Variants in DAZL observed in about 807,000 individuals in gnomAD.
The protein encoded by DAZL is deleted in azoospermia like.
DAZL carries 4 observed loss-of-function variants against 45.0 expected under a neutral mutation model. The observed-to-expected ratio is 0.09, with a 90% CI of 0.04 to 0.20. The LOEUF is 0.20. Ranked by LOEUF, DAZL falls within the 10% of genes least tolerant of loss-of-function variation. The pLI is 1.00. For missense variants in DAZL, 326 were observed against 351.3 expected, an observed-to-expected ratio of 0.93 and a Z score of 0.58; for synonymous variants, 122 against 112.4, an observed-to-expected ratio of 1.09 and a Z score of -0.54.
intron 1 of DAZL, chr3:16,604,302 C>T (rs999887049): frequency 8.1e-6 from 6 of 744,634 alleles, no homozygotes; most frequent in Non-Finnish European, 1.3e-5. Context: ...AGGCATTTAC[C>T]AAACTCACAA....
In DAZL at chr3:16,593,666, C is replaced by G; in HGVS notation, c.724G>C (p.Gly242Arg). 1 of 1,606,386 alleles carries G rather than the reference C, an allele frequency of 6.2e-7. No individual in the cohort carries two copies. The change falls in exon 9 of 11, where the codon GGC becomes CGC. Residue 242 changes from glycine (G) to arginine (R), a missense_variant. Physicochemically the swap from Gly to Arg is moderately radical, Grantham distance 125. This residue lies in a region of DAZL where 227 missense variants were observed against 216.6 expected (regional missense o/e 1.05). Coordinates refer to ENST00000399444, the MANE Select transcript of DAZL (RefSeq NM_001351.4). ...AATTAGATGTTTGCCTTTTGTGGGC[C>G]ATTTCCAGAGGGTGGAGTAGCTTCA... is the stretch of plus-strand genomic sequence containing the variant. ...VHEATPPSGN[G>R]PQKKSVDRSI... is the part of the protein sequence containing the mutation.
At chr3:16,598,222 A>G in intron 2 of DAZL, 44 bp from the exon 3 acceptor site, 1 of 1,522,034 alleles carries the variant, frequency 6.6e-7, no homozygotes. Context: ...TTCAGCATTC[A>G]AAAATTTTAA....
intron 1 of DAZL, chr3:16,604,531 G>C (rs1412352141): frequency 2.0e-6 from 3 of 1,471,702 alleles, no homozygotes; most frequent in Non-Finnish European, 8.9e-7. Flanking sequence ...TGACAGGCGC[G>C]AGGGGACCAG....
At chr3:16,603,593 C>T (rs73035082) in intron 1 of DAZL, among the ~76,000 whole-genome samples, 28,318 of 152,034 alleles carry the variant, frequency 0.19, 3,432 homozygotes, top group African/African-American at 0.34. Context: ...GTGATCCACC[C>T]GCCTCAGCCT....
At position 16,598,570 on chromosome 3, in the gene DAZL, G is replaced by A; in HGVS notation, c.32C>T (p.Ser11Leu). Residue 11 changes from serine to leucine, a missense_variant, in exon 2 of 11, where the codon TCA becomes TTA. Physicochemically the swap from Ser to Leu is moderately radical, Grantham distance 145 (BLOSUM62 -2). Transcript: ENST00000399444. MSTANPETPN[S>L]TISREASTQS... ...GGTGCTGGCCTCTCTGGAGATGGTT[G>A]AGTTTGGAGTTTCAGGATTTGCAGT... The A allele has an allele frequency of 6.3e-7, 1 of 1,599,298 alleles. No individual in the cohort carries two copies. Among genetic ancestry groups the A allele is most frequent in the Non-Finnish European group, 8.5e-7 (1 of 1,178,508 alleles).
At position 16,587,174 on chromosome 3, in the gene DAZL, T is replaced by C. The variant is rs1439798317; in HGVS notation, c.*1486A>G. On this transcript the variant is annotated 3_prime_UTR_variant, in exon 11 of 11. Transcript: ENST00000399444. Reference sequence around the variant, plus strand: ...TAAAGCCCTCTTGGGAATTCTAAAGTTAAAAGACTCTCTCCTTCAGATTCA... The same window carrying C: ...TAAAGCCCTCTTGGGAATTCTAAAGCTAAAAGACTCTCTCCTTCAGATTCA... 6.6e-6 allele frequency: 1 copy of C among 152,132 alleles called. No homozygotes were observed. The highest frequency in any genetic ancestry group is 1.5e-5 in the Non-Finnish European group (1 of 67,998). 9.4% of individuals were successfully genotyped at this position (152,132 alleles called of 1,614,324 possible).
rs535037330 is a variant in DAZL at position 16,605,139 on chromosome 3, C to G, written c.3+64G>C. The G allele has an allele frequency of 6.2e-6, 10 of 1,606,842 alleles. No homozygotes were observed. In the African/African-American group the frequency reaches 9.4e-5, roughly 15 times the overall value. On this transcript the variant is annotated intron_variant, in intron 1 of 10. Transcript: ENST00000399444. ...GACTTCACTTTCCGACCCTGCAGAG[C>G]CGAGTTTCACCCACGAGTGAAGACT...
intron 1 of DAZL, chr3:16,604,300 A>G: frequency 2.8e-6 from 2 of 727,236 alleles, no homozygotes; most frequent in South Asian, 1.9e-5. Flanking sequence ...CTAGGCATTT[A>G]CCAAACTCAC....
intron 6 of DAZL, among the ~76,000 whole-genome samples, chr3:16,595,713 T>C (rs1295121240): frequency 6.6e-6 from 1 of 150,486 alleles, no homozygotes; most frequent in Non-Finnish European, 1.5e-5. Flanking sequence ...CAGACTTCAA[T>C]GTAAGTTAAA....
rs921896039 is a variant in DAZL, at chr3:16,587,054, C to A, written c.*1606G>T. The A allele has an allele frequency of 1.7e-4, 26 of 152,200 alleles. No individual in the cohort carries two copies. The highest frequency in any genetic ancestry group is 6.0e-4 in the African/African-American group (25 of 41,542). 9.4% of individuals were successfully genotyped at this position (152,200 alleles called of 1,614,324 possible). ...TTATAGTAAGCTGGAGATTTAATCA[C>A]AGAATGATATGTGTCAGAATGTTAT... On this transcript the variant is annotated 3_prime_UTR_variant, in exon 11 of 11. Transcript: ENST00000399444.
At chr3:16,598,200 C>T in intron 2 of DAZL, 22 bp from the exon 3 acceptor site, 8 of 1,561,684 alleles carry the variant, frequency 5.1e-6, no homozygotes, top group Non-Finnish European at 7.0e-6. Flanking sequence ...AATTGAACTT[C>T]AAGAGTAAAA....
chr3:16,604,515 C>T, intron 1 of DAZL: 1 of 1,512,512 alleles, frequency 6.6e-7, no homozygotes, highest in Non-Finnish European at 8.8e-7. Context: ...GCAAGTCCCC[C>T]GCAGCTGACA....
At chr3:16,594,671 TATC>T (rs564270194) in intron 7 of DAZL, 88 bp from the exon 8 acceptor site, 25 of 808,188 alleles carry the variant, frequency 3.1e-5, no homozygotes, top group South Asian at 4.2e-5. Flanking sequence ...TTGAAGTACT[TATC>T]ATGCTGGCTC....
intron 10 of DAZL, 68 bp from the exon 11 acceptor site, chr3:16,588,781 T>C: frequency 1.5e-6 from 2 of 1,300,738 alleles, no homozygotes; most frequent in Non-Finnish European, 2.2e-6. Flanking sequence ...GATCTGAAAG[T>C]TGTCAAAAAC....
chr3:16,602,021 TAGGA>T (rs1269979232), intron 1 of DAZL, among the ~76,000 whole-genome samples: 3 of 151,726 alleles, frequency 2.0e-5, no homozygotes, highest in East Asian at 1.9e-4. Context: ...TTCACACCAA[TAGGA>T]AGGAACGAAT....
Position 16,592,208 on chromosome 3 carries a change from GT to G in DAZL, c.736-61del, listed in dbSNP as rs112666883. ...ACTCTTTCACTCACTCTTAGTAAGGGTTTTTTTTTGATAGTTTAATGAATAT... is the reference window on the plus strand; with the variant it reads ...ACTCTTTCACTCACTCTTAGTAAGGGTTTTTTTTGATAGTTTAATGAATAT... On this transcript the variant is annotated intron_variant, in intron 9 of 10. Coordinates refer to ENST00000399444, the MANE Select transcript of DAZL (RefSeq NM_001351.4). 3.1e-3 allele frequency: 4,838 copies of G among 1,571,912 alleles called. 123 individuals are homozygous for G. In the African/African-American group the frequency reaches 0.057, roughly 19 times the overall value.
At chr3:16,603,300 G>A (rs892679661) in intron 1 of DAZL, among the ~76,000 whole-genome samples, 3 of 151,938 alleles carry the variant, frequency 2.0e-5, no homozygotes, top group Admixed American at 6.6e-5. Context: ...TCATCTCAAG[G>A]AATTAATAAT....
At position 16,605,406 on chromosome 3, in the gene DAZL, G is replaced by A; in HGVS notation, c.-201C>T. 1 of 674,400 alleles carries A rather than the reference G, an allele frequency of 1.5e-6. No homozygotes were observed. Among genetic ancestry groups the A allele is most frequent in the Non-Finnish European group, 2.6e-6 (1 of 378,066 alleles). 41.8% of individuals were successfully genotyped at this position (674,400 alleles called of 1,614,324 possible). On this transcript the variant is annotated 5_prime_UTR_variant, in exon 1 of 11. Coordinates refer to ENST00000399444, the MANE Select transcript of DAZL (RefSeq NM_001351.4). ...GCCCCGAAAGGCGGACCGTCAGGCT[G>A]AGGAGCGCAGGCGGACTGAGGCGTG...
At chr3:16,593,171 T>C (rs1299165902) in intron 9 of DAZL, among the ~76,000 whole-genome samples, 1 of 152,242 alleles carries the variant, frequency 6.6e-6, no homozygotes, top group Non-Finnish European at 1.5e-5. Flanking sequence ...AACCTTCCCA[T>C]AACATTCTGC....
Sources: allele counts gnomAD v4.1 joint callset (sites outside exome capture counted in the v4.1 genomes callset), GRCh38; gene constraint gnomAD v4.1.1; regional missense constraint gnomAD v4.1.1; transcripts MANE v1.5; gene names NCBI Gene and HGNC (gene_info 2026-07-23, HGNC 2026-07-21).